The following KCNQ1OT1 variants were observed in gnomAD, a reference collection of about 807,000 sequenced individuals.
The protein encoded by KCNQ1OT1 is KCNQ1 antisense RNA 2 (non-protein coding).
exon 1 of KCNQ1OT1, chr11:2,665,107 G>A (rs1019680569): frequency 6.5e-5 from 26 of 398,356 alleles, no homozygotes; most frequent in South Asian, 2.5e-4. Context: ...GAGTGGCGTC[G>A]CTGCACCCCA....
At chr11:2,644,593 C>T (rs1337563003) in exon 1 of KCNQ1OT1, 4 of 398,290 alleles carry the variant, frequency 1.0e-5, no homozygotes, top group Middle Eastern at 6.2e-4. Flanking sequence ...TATTGCATTC[C>T]TTAGGAGTTG....
Position 2,626,568 on chromosome 11 carries a change from GC to G in KCNQ1OT1, n.73426del, listed in dbSNP as rs1849265313. 2 of 398,530 alleles carry G rather than the reference GC, an allele frequency of 5.0e-6. No homozygotes were observed. Among genetic ancestry groups the G allele is most frequent in the Admixed American group, 4.4e-5 (1 of 22,714 alleles). The allele number at this position is 398,530 out of a possible 1,614,324, so 24.7% of individuals were successfully genotyped here. A position where few individuals can be genotyped will look rare whatever the true frequency, so the allele number is the denominator to read the frequency against. On this transcript the variant is annotated non_coding_transcript_exon_variant, in exon 1 of 1. Coordinates refer to ENST00000597346, the Ensembl canonical transcript of KCNQ1OT1. The surrounding 1 kb of genome is among the most constrained non-coding windows in gnomAD (Gnocchi z 4.0). ...GTTTTTCAGACATTCTTACTCTGTT[GC>G]CCACGCTGGAGTACAGTGGCATTAT...
exon 1 of KCNQ1OT1, chr11:2,615,467 C>T (rs1003928246): frequency 1.8e-5 from 7 of 398,028 alleles, no homozygotes; most frequent in Non-Finnish European, 3.1e-5. Context: ...AAGCATACAG[C>T]CATATCTTAC....
In KCNQ1OT1 at chr11:2,670,553, C is replaced by G; in HGVS notation, n.29442G>C. On this transcript the variant is annotated non_coding_transcript_exon_variant, in exon 1 of 1. Transcript: ENST00000597346. This position sits in a 1 kb window ranked among gnomAD's most constrained non-coding sequence, Gnocchi z 4.9. ...AAGCCTCAAGAAGGATAGGGACTTG[C>G]CAGTATCACTGGGAGATAGGAGCAG... 2.5e-6 allele frequency: 1 copy of G among 397,952 alleles called. No homozygotes were observed. Among genetic ancestry groups the G allele is most frequent in the Non-Finnish European group, 4.4e-6 (1 of 225,954 alleles). The allele number at this position is 397,952 out of a possible 1,614,324, so 24.7% of individuals were successfully genotyped here.
In KCNQ1OT1 at chr11:2,627,758, CCTTT is replaced by C; in HGVS notation, n.72233_72236del. On this transcript the variant is annotated non_coding_transcript_exon_variant, in exon 1 of 1. Transcript: ENST00000597346. This position sits in a 1 kb window ranked among gnomAD's most constrained non-coding sequence, Gnocchi z 4.9. ...ATACACACACACACACTATTTTCTT[CCTTT>C]CTTTTTGAGACAGGGTCTCCATCTG... The C allele has an allele frequency of 2.5e-6, 1 of 398,056 alleles. No individual in the cohort carries two copies. The allele number at this position is 398,056 out of a possible 1,614,324, so 24.7% of individuals were successfully genotyped here.
chr11:2,611,971 T>C lies in KCNQ1OT1; in HGVS notation n.88024A>G. 1 of 398,624 alleles carries C rather than the reference T, an allele frequency of 2.5e-6. No homozygotes were observed. 24.7% of individuals were successfully genotyped at this position (398,624 alleles called of 1,614,324 possible). A position where few individuals can be genotyped will look rare whatever the true frequency, so the allele number is the denominator to read the frequency against. ...TCAAATATTTTTGTCTGCCCTATTC[T>C]CTCCTTCTCAGTACTCTTATTAACA... is the stretch of plus-strand genomic sequence containing the variant. On this transcript the variant is annotated non_coding_transcript_exon_variant, in exon 1 of 1. Transcript: ENST00000597346. This position sits in a 1 kb window ranked among gnomAD's most constrained non-coding sequence, Gnocchi z 5.3.
At chr11:2,633,104 C>G in exon 1 of KCNQ1OT1, 2 of 398,424 alleles carry the variant, frequency 5.0e-6, no homozygotes. Flanking sequence ...TGAAAACAGC[C>G]ATTCTAACTG....
In KCNQ1OT1 at chr11:2,682,657, T is replaced by C. The variant is rs1365470606; in HGVS notation, n.17338A>G. 1 of 398,650 alleles carries C rather than the reference T, an allele frequency of 2.5e-6. No individual in the cohort carries two copies. Among genetic ancestry groups the C allele is most frequent in the East Asian group, 3.6e-5 (1 of 28,074 alleles). The allele number at this position is 398,650 out of a possible 1,614,324, so 24.7% of individuals were successfully genotyped here. A position where few individuals can be genotyped will look rare whatever the true frequency, so the allele number is the denominator to read the frequency against. On this transcript the variant is annotated non_coding_transcript_exon_variant, in exon 1 of 1. Transcript: ENST00000597346. The surrounding 1 kb of genome is among the most constrained non-coding windows in gnomAD (Gnocchi z 5.8). ...GTCATCCCTGCTTCCCCAGGGCTCA[T>C]GTCCACATGCTATTGTCCATAGAAG...
chr11:2,699,646 C>A, exon 1 of KCNQ1OT1: 1 of 359,060 alleles, frequency 2.8e-6, no homozygotes. Context: ...CCGGGGACAA[C>A]CGCGCCGAAG....
chr11:2,638,007 C>CT (rs943117728), exon 1 of KCNQ1OT1: 3 of 152,104 alleles, frequency 2.0e-5, no homozygotes, highest in Admixed American at 2.0e-4. Flanking sequence ...CAACCCCTGC[C>CT]TTTTTTTATT....
rs545146883 is a variant in KCNQ1OT1, at chr11:2,695,575, C to A, written n.4420G>T. ...ATGCTGCCCTGAGCATGCACACACA[C>A]AGCCTCTCGTTGTTCTGGGTGAGAA... On this transcript the variant is annotated non_coding_transcript_exon_variant, in exon 1 of 1. Transcript: ENST00000597346. The surrounding 1 kb of genome is among the most constrained non-coding windows in gnomAD (Gnocchi z 5.2). 127 of 398,556 alleles carry A rather than the reference C, an allele frequency of 3.2e-4. No individual in the cohort carries two copies. Among genetic ancestry groups the A allele is most frequent in the Non-Finnish European group, 2.1e-4 (48 of 226,106 alleles). 24.7% of individuals were successfully genotyped at this position (398,556 alleles called of 1,614,324 possible). A position where few individuals can be genotyped will look rare whatever the true frequency, so the allele number is the denominator to read the frequency against.
chr11:2,632,867 C>G (rs1849383987), exon 1 of KCNQ1OT1: 1 of 398,326 alleles, frequency 2.5e-6, no homozygotes, highest in Admixed American at 4.4e-5. Context: ...GTGAACAGTA[C>G]TGCAATAAAC....
chr11:2,675,183 C>T, exon 1 of KCNQ1OT1: 1 of 398,592 alleles, frequency 2.5e-6, no homozygotes, highest in Non-Finnish European at 4.4e-6. Flanking sequence ...AAGATTAGGG[C>T]CCCTCTAGGT....
chr11:2,669,551 A>C lies in KCNQ1OT1; in HGVS notation n.30444T>G. ...GCTGAATCCAGGGACAAGGTCTGTC[A>C]GGGAGCCCTGGCCAGCTTGGGTCAT... is the stretch of plus-strand genomic sequence containing the variant. On this transcript the variant is annotated non_coding_transcript_exon_variant, in exon 1 of 1. Transcript: ENST00000597346. This position sits in a 1 kb window ranked among gnomAD's most constrained non-coding sequence, Gnocchi z 5.6. 1 of 398,616 alleles carries C rather than the reference A, an allele frequency of 2.5e-6. No homozygotes were observed. Among genetic ancestry groups the C allele is most frequent in the Non-Finnish European group, 4.4e-6 (1 of 226,078 alleles). 24.7% of individuals were successfully genotyped at this position (398,616 alleles called of 1,614,324 possible).
chr11:2,657,159 T>C lies in KCNQ1OT1; in HGVS notation n.42836A>G. The C allele has an allele frequency of 7.5e-6, 3 of 398,656 alleles. No homozygotes were observed. Among genetic ancestry groups the C allele is most frequent in the Non-Finnish European group, 1.3e-5 (3 of 226,062 alleles). 24.7% of individuals were successfully genotyped at this position (398,656 alleles called of 1,614,324 possible). Reference sequence around the variant, plus strand: ...AAGTACTGATGTTTGGTACAGCAAGTTCTCCCACCTTGTTCTTCTTCAAGA... The same window carrying C: ...AAGTACTGATGTTTGGTACAGCAAGCTCTCCCACCTTGTTCTTCTTCAAGA... On this transcript the variant is annotated non_coding_transcript_exon_variant, in exon 1 of 1. Transcript: ENST00000597346. This position sits in a 1 kb window ranked among gnomAD's most constrained non-coding sequence, Gnocchi z 4.8.
At chr11:2,672,235 C>CA (rs1850196542) in exon 1 of KCNQ1OT1, 1 of 398,660 alleles carries the variant, frequency 2.5e-6, no homozygotes, top group Non-Finnish European at 4.4e-6. Flanking sequence ...CCAAAATACT[C>CA]AAATGCTTTT....
At chr11:2,631,428 T>G (rs1474271932) in exon 1 of KCNQ1OT1, 10 of 396,838 alleles carry the variant, frequency 2.5e-5, no homozygotes, top group South Asian at 1.3e-4. Context: ...AAATGTTTGT[T>G]TTTTTTTTAG....
exon 1 of KCNQ1OT1, chr11:2,656,000 T>C (rs2133848801): frequency 2.5e-6 from 1 of 398,634 alleles, no homozygotes; most frequent in South Asian, 1.3e-4. Flanking sequence ...CACATTTTAA[T>C]TTCCTAAAAC....
rs1015115118 is a variant in KCNQ1OT1, at chr11:2,647,973, G to A, written n.52022C>T. Reference sequence around the variant, plus strand: ...TCACACCTGTAAACCCAGTACTTTGGAAGGCCAAGGCAGGCCGATCGCTTG... The same window carrying A: ...TCACACCTGTAAACCCAGTACTTTGAAAGGCCAAGGCAGGCCGATCGCTTG... On this transcript the variant is annotated non_coding_transcript_exon_variant, in exon 1 of 1. Transcript: ENST00000597346. This position sits in a 1 kb window ranked among gnomAD's most constrained non-coding sequence, Gnocchi z 4.0. 15 of 397,376 alleles carry A rather than the reference G, an allele frequency of 3.8e-5. No homozygotes were observed. Among genetic ancestry groups the A allele is most frequent in the African/African-American group, 2.9e-4 (14 of 48,274 alleles). 24.6% of individuals were successfully genotyped at this position (397,376 alleles called of 1,614,324 possible). A position where few individuals can be genotyped will look rare whatever the true frequency, so the allele number is the denominator to read the frequency against.
Sources: allele counts gnomAD v4.1 joint callset, GRCh38; gene constraint gnomAD v4.1.1; non-coding constraint Gnocchi (gnomAD v3.1); transcripts MANE v1.5; gene names NCBI Gene and HGNC (gene_info 2026-07-23, HGNC 2026-07-21).